Variants in ECM2 observed in about 807,000 individuals in gnomAD.
ECM2 encodes the protein extracellular matrix protein 2, female organ and adipocyte specific.
Under a neutral mutation model 67.5 loss-of-function variants are expected in ECM2, and 57 were observed. The ratio of observed to expected loss-of-function variants is 0.84; its 90% CI spans 0.68 to 1.05. The LOEUF is 1.05. ECM2 is among the 50% of genes least tolerant of loss of function. The probability of loss-of-function intolerance (pLI) is 0.00; values close to 1 mark genes in which losing one functional copy is unlikely to be tolerated. For missense variants in ECM2, 741 were observed against 822.8 expected (o/e 0.90, Z 1.22); for synonymous variants, 258 against 294.5 (o/e 0.88, Z 1.27).
the ECM2 span, among the ~76,000 whole-genome samples, chr9:92,546,449 G>A: frequency 6.6e-6 from 1 of 152,134 alleles, no homozygotes; most frequent in Non-Finnish European, 1.5e-5. Context: ...GGGAAGATCT[G>A]CAGCTTCGCT....
intron 2 of ECM2, among the ~76,000 whole-genome samples, chr9:92,520,238 G>A (rs185245683): frequency 2.6e-5 from 4 of 151,672 alleles, no homozygotes; most frequent in Non-Finnish European, 4.4e-5. Context: ...AGCTATGATT[G>A]TACCACCGTA....
chr9:92,517,856 C>A lies in ECM2; in HGVS notation c.312G>T (p.Leu104Phe). The change falls in exon 3 of 10, where the codon TTG (leucine) becomes TTT (phenylalanine). Residue 104 changes from leucine (L) to phenylalanine (F), a missense_variant. Coordinates refer to ENST00000344604, the MANE Select transcript of ECM2 (RefSeq NM_001393.4). Reference protein sequence around the residue: ...NVLPGKKGHCLVKGITMYNKA... With the variant: ...NVLPGKKGHCFVKGITMYNKA... ...TGTTGTACATGGTTATGCCCTTTAC[C>A]AAACAGTGTCCCTTCTTTCCTAGAA... 6.2e-7 allele frequency: 1 copy of A among 1,614,124 alleles called. No individual in the cohort carries two copies. Among genetic ancestry groups the A allele is most frequent in the African/African-American group, 1.3e-5 (1 of 75,040 alleles).
the ECM2 span, among the ~76,000 whole-genome samples, chr9:92,551,953 G>GAT: frequency 0.053 from 5,709 of 107,958 alleles, 621 homozygotes; most frequent in African/African-American, 0.11. Context: ...ATATATATAT[G>GAT]ATATATATAT....
intron 6 of ECM2, among the ~76,000 whole-genome samples, chr9:92,508,972 C>T (rs949140927): frequency 6.6e-6 from 1 of 151,878 alleles, no homozygotes; most frequent in Non-Finnish European, 1.5e-5. Context: ...CAGTCCTTGT[C>T]TCAAAAAAGT....
intron 9 of ECM2, among the ~76,000 whole-genome samples, chr9:92,498,896 A>G (rs527340453): frequency 1.5e-4 from 23 of 152,326 alleles, no homozygotes; most frequent in African/African-American, 5.5e-4. Context: ...TTGATTTGGG[A>G]ATGTCAGTCT....
intron 4 of ECM2, among the ~76,000 whole-genome samples, chr9:92,512,380 T>G (rs568094846): frequency 1.3e-5 from 2 of 152,362 alleles, no homozygotes; most frequent in South Asian, 4.1e-4. Context: ...ATGGTTTAGA[T>G]GAAGGTGCTT....
At chr9:92,503,133 C>T (rs887816747) in intron 7 of ECM2, among the ~76,000 whole-genome samples, 2 of 152,054 alleles carry the variant, frequency 1.3e-5, no homozygotes, top group African/African-American at 4.8e-5. Context: ...AACACACTGC[C>T]ATGGTTATGG....
the ECM2 span, among the ~76,000 whole-genome samples, chr9:92,558,918 G>A: frequency 6.6e-6 from 1 of 152,030 alleles, no homozygotes; most frequent in South Asian, 2.1e-4. Flanking sequence ...GTTGGGGAAA[G>A]CCGGCAGTCA....
the ECM2 span, among the ~76,000 whole-genome samples, chr9:92,547,190 G>C: frequency 6.6e-6 from 1 of 152,160 alleles, no homozygotes; most frequent in Non-Finnish European, 1.5e-5. Flanking sequence ...ACAGCCATTA[G>C]TGTTTTAAAA....
the ECM2 span, among the ~76,000 whole-genome samples, chr9:92,557,419 C>T: frequency 2.6e-5 from 4 of 152,150 alleles, no homozygotes; most frequent in African/African-American, 9.7e-5. Context: ...ATATGTTTTT[C>T]AAGCTTTTAG....
At chr9:92,507,302 G>A (rs1847065449) in intron 6 of ECM2, among the ~76,000 whole-genome samples, 1 of 152,192 alleles carries the variant, frequency 6.6e-6, no homozygotes, top group African/African-American at 2.4e-5. Flanking sequence ...TAAAGGTACT[G>A]AGAATCTGAC....
intron 7 of ECM2, among the ~76,000 whole-genome samples, chr9:92,504,731 G>T (rs1846892482): frequency 6.6e-6 from 1 of 151,994 alleles, no homozygotes; most frequent in Non-Finnish European, 1.5e-5. Context: ...TAGAGACAAG[G>T]TCTCACTATG....
At chr9:92,523,039 C>A in intron 1 of ECM2, 146 bp from the exon 2 acceptor site, 1 of 811,790 alleles carries the variant, frequency 1.2e-6, no homozygotes, top group Non-Finnish European at 1.8e-6. Flanking sequence ...AGTATTATTG[C>A]CAAATCATAA....
At chr9:92,501,711 G>T (rs1416550720) in intron 8 of ECM2, among the ~76,000 whole-genome samples, 1 of 152,150 alleles carries the variant, frequency 6.6e-6, no homozygotes, top group Non-Finnish European at 1.5e-5. Context: ...TGGGCTCAGT[G>T]CCACATGCTG....
At chr9:92,505,937 GGTGCTAACAATATGT>G (rs1846979794) in intron 6 of ECM2, among the ~76,000 whole-genome samples, 1 of 152,130 alleles carries the variant, frequency 6.6e-6, no homozygotes, top group Admixed American at 6.5e-5. Context: ...TGAAATGCTA[GGTGCTAACAATATGT>G]GTAAGGAACA....
At chr9:92,505,712 G>C (rs753809178) in intron 6 of ECM2, 22 bp from the exon 7 acceptor site, 2 of 1,523,626 alleles carry the variant, frequency 1.3e-6, no homozygotes, top group Non-Finnish European at 1.8e-6. Flanking sequence ...AAAAGTATTA[G>C]AATATTAGGA....
the ECM2 span, among the ~76,000 whole-genome samples, chr9:92,546,395 A>G: frequency 6.6e-6 from 1 of 151,934 alleles, no homozygotes; most frequent in South Asian, 2.1e-4. Context: ...GCTGCTGCTC[A>G]CTCTTTGGGT....
the ECM2 span, among the ~76,000 whole-genome samples, chr9:92,549,903 G>T: frequency 6.6e-6 from 1 of 152,190 alleles, no homozygotes; most frequent in East Asian, 1.9e-4. Flanking sequence ...ACAAAGTACA[G>T]TACAGTTAGA....
chr9:92,509,772 C>G, intron 6 of ECM2, 127 bp downstream of exon 6: 1 of 1,031,682 alleles, frequency 9.7e-7, no homozygotes, highest in Non-Finnish European at 1.3e-6. Context: ...TTTATCAACT[C>G]AAATGGTTAA....
Sources: allele counts gnomAD v4.1 joint callset (sites outside exome capture counted in the v4.1 genomes callset), GRCh38; gene constraint gnomAD v4.1.1; transcripts MANE v1.5; gene names NCBI Gene and HGNC (gene_info 2026-07-23, HGNC 2026-07-21).